POLR2J: variants seen among roughly 807,000 people sequenced by gnomAD.
The protein encoded by POLR2J is RNA polymerase II subunit J.
In POLR2J, 12 loss-of-function variants were observed where a neutral mutation model predicts 13.4. That is an observed-to-expected ratio of 0.90 (90% CI 0.57 to 1.45). POLR2J has a LOEUF of 1.45. Ranked by LOEUF, POLR2J falls within the 40% of genes most tolerant of loss-of-function variation. The probability of loss-of-function intolerance (pLI) is 0.00; values close to 1 mark genes in which losing one functional copy is unlikely to be tolerated. For synonymous variants in POLR2J, 31 were observed against 53.6 expected (o/e 0.58, Z 1.84); for missense variants, 58 against 132.0 (o/e 0.44, Z 2.75).
rs202131725 is a variant in POLR2J, at chr7:102,478,861, G to A, written c.-1C>T. ...ACTCGAAGGCTGGAGGGGCGTTCAT[G>A]CTCCCGCCGCCGTTGCGTCCAGACC... On this transcript the variant is annotated 5_prime_UTR_variant, in exon 1 of 4. Transcript: ENST00000292614. 1.9e-5 allele frequency: 31 copies of A among 1,610,574 alleles called. No individual in the cohort carries two copies. In the African/African-American group the frequency reaches 2.8e-4, roughly 15 times the overall value.
intron 3 of POLR2J, 46 bp from the exon 4 acceptor site, chr7:102,473,730 C>T: frequency 1.2e-6 from 2 of 1,612,364 alleles, no homozygotes; most frequent in Non-Finnish European, 1.7e-6. Flanking sequence ...ACAGCTGGGG[C>T]AAGGACGCTG....
chr7:102,474,575 G>A lies in POLR2J; in HGVS notation c.144-40C>T, dbSNP rs372056850. The A allele has an allele frequency of 3.0e-6, 4 of 1,322,714 alleles. 1 individual carries two copies. The African/African-American group carries it at 5.8e-5, about 19-fold the overall frequency. The allele number at this position is 1,322,714 out of a possible 1,614,324, so 81.9% of individuals were successfully genotyped here. On this transcript the variant is annotated intron_variant, in intron 2 of 3. Coordinates refer to ENST00000292614, the MANE Select transcript of POLR2J (RefSeq NM_006234.6). ...AGACAGTGTGAGGGTCTAGCCTCAT[G>A]CCCAAGCTGGGTAGCAGCCAGCTCA...
At chr7:102,473,807 A>C (rs1360946391) in intron 3 of POLR2J, 123 bp from the exon 4 acceptor site, 2 of 1,499,074 alleles carry the variant, frequency 1.3e-6, no homozygotes, top group Admixed American at 2.3e-5. Context: ...CACACTCCCC[A>C]GGACAGTGGA....
chr7:102,474,375 C>G lies in POLR2J; in HGVS notation c.304G>C (p.Glu102Gln). Residue 102 changes from glutamate to glutamine, a missense_variant, in exon 3 of 4, where the codon GAG becomes CAG. By Grantham distance (29) the Glu-to-Gln change is conservative. This residue lies in a region of POLR2J where 17 missense variants were observed against 43.6 expected (regional missense o/e 0.39). Transcript: ENST00000292614. ...TDLISELSLLEERFRVAIKDK... is the reference protein window; with the variant it reads ...TDLISELSLLQERFRVAIKDK... ...CCCGCCCTCACCCGAAAGCGCTCCT[C>G]CAGCAGGGACAGCTCACTGATGAGG... 1 of 1,611,920 alleles carries G rather than the reference C, an allele frequency of 6.2e-7. No individual in the cohort carries two copies. The highest frequency in any genetic ancestry group is 8.5e-7 in the Non-Finnish European group (1 of 1,179,664).
chr7:102,473,947 C>CT (rs1302985972), intron 3 of POLR2J: 25 of 1,434,174 alleles, frequency 1.7e-5, no homozygotes, highest in Non-Finnish European at 2.3e-5. Flanking sequence ...AGCTGTGGCT[C>CT]TTTCCCCTCT....
Position 102,473,537 on chromosome 7 carries a change from C to CACGTCGGTGTCAGGGTGAGGGGTGGCCAT in POLR2J, c.*111_*112insATGGCCACCCCTCACCCTGACACCGACGT. 9.2e-7 allele frequency: 1 copy of CACGTCGGTGTCAGGGTGAGGGGTGGCCAT among 1,086,216 alleles called. No homozygotes were observed. The highest frequency in any genetic ancestry group is 2.1e-5 in the South Asian group (1 of 48,376). The allele number at this position is 1,086,216 out of a possible 1,614,324, so 67.3% of individuals were successfully genotyped here. On this transcript the variant is annotated 3_prime_UTR_variant, in exon 4 of 4. Transcript: ENST00000292614. ...TCGGTGTCAGGGTGAGGGGTGGCCA[C>CACGTCGGTGTCAGGGTGAGGGGTGGCCAT]AAGGCGGGCCATGGCTGGGACCGGC...
rs1192784135 is a variant in POLR2J, at chr7:102,478,794, C to A, written c.53+14G>T. ...GCCCGCGCACCTCGGCCCGCCGCAG[C>A]CGGCGTCACTTACTTCTTCTCGCCC... On this transcript the variant is annotated intron_variant, in intron 1 of 3. Coordinates refer to ENST00000292614, the MANE Select transcript of POLR2J (RefSeq NM_006234.6). 1.2e-6 allele frequency: 2 copies of A among 1,610,560 alleles called. No homozygotes were observed. The highest frequency in any genetic ancestry group is 2.7e-5 in the African/African-American group (2 of 74,866).
At chr7:102,474,960 G>T (rs1186437518) in intron 2 of POLR2J, among the ~76,000 whole-genome samples, 1 of 149,204 alleles carries the variant, frequency 6.7e-6, no homozygotes, top group Non-Finnish European at 1.5e-5. Context: ...TCTGCCCTCC[G>T]AGCAGCACAG....
At chr7:102,474,043 C>T (rs566081651) in intron 3 of POLR2J, 163 of 1,446,974 alleles carry the variant, frequency 1.1e-4, no homozygotes, top group South Asian at 6.2e-4. Flanking sequence ...CTGGAAGGAC[C>T]AGGCCTTGCC....
rs1467213936 is a variant in POLR2J, at chr7:102,473,303, CACAGCCCCCGCA to C, written c.*334_*345del. On this transcript the variant is annotated 3_prime_UTR_variant, in exon 4 of 4. Transcript: ENST00000292614. ...GTTTGCACACTTCTCTCCGGCTCAGCACAGCCCCCGCAGCAGCCCCTGGACCCCGGATCTTTG... is the reference window on the plus strand; with the variant it reads ...GTTTGCACACTTCTCTCCGGCTCAGCGCAGCCCCTGGACCCCGGATCTTTG... 9 of 577,058 alleles carry C rather than the reference CACAGCCCCCGCA, an allele frequency of 1.6e-5. No individual in the cohort carries two copies. The highest frequency in any genetic ancestry group is 7.2e-5 in the South Asian group (3 of 41,634). The allele number at this position is 577,058 out of a possible 1,614,324, so 35.7% of individuals were successfully genotyped here.
chr7:102,475,516 G>A (rs1481767765), intron 2 of POLR2J, among the ~76,000 whole-genome samples: 1 of 152,178 alleles, frequency 6.6e-6, no homozygotes, highest in East Asian at 1.9e-4. Flanking sequence ...GTCACAAACG[G>A]GTGGCATGAG....
At chr7:102,473,980 G>T in intron 3 of POLR2J, 1 of 1,434,040 alleles carries the variant, frequency 7.0e-7, no homozygotes, top group Non-Finnish European at 9.1e-7. Context: ...ATTCCCATGC[G>T]CCCTGCCAGG....
At chr7:102,478,362 CCA>C (rs1470485635) in intron 1 of POLR2J, among the ~76,000 whole-genome samples, 1 of 114,368 alleles carries the variant, frequency 8.7e-6, no homozygotes, top group African/African-American at 3.4e-5. Context: ...AGCCACTCGC[CCA>C]CAGATACAGA....
intron 2 of POLR2J, among the ~76,000 whole-genome samples, chr7:102,474,923 C>T (rs908586406): frequency 2.7e-5 from 4 of 150,244 alleles, no homozygotes; most frequent in Non-Finnish European, 4.5e-5. Context: ...GGCCAGCTGC[C>T]GGCAGTGAGT....
intron 2 of POLR2J, among the ~76,000 whole-genome samples, chr7:102,475,153 C>G (rs1189070806): frequency 6.6e-6 from 1 of 152,244 alleles, no homozygotes; most frequent in South Asian, 2.1e-4. Context: ...CCCAGGAGAG[C>G]TTGGGTGCCC....
intron 3 of POLR2J, chr7:102,473,994 A>T (rs142762939): frequency 0.052 from 74,494 of 1,435,806 alleles, 2,172 homozygotes; most frequent in South Asian, 0.074. Flanking sequence ...TGCCAGGAAC[A>T]GGTGTGGGCC....
In POLR2J at chr7:102,473,155, A is replaced by T; in HGVS notation, c.*494T>A. ...TCAGTGAATATTTTTATTAAACTCT[A>T]CTGTGGACAAGAAGCCTGTGGAAAG... is the stretch of plus-strand genomic sequence containing the variant. On this transcript the variant is annotated 3_prime_UTR_variant, in exon 4 of 4. Coordinates refer to ENST00000292614, the MANE Select transcript of POLR2J (RefSeq NM_006234.6). 3 of 1,285,044 alleles carry T rather than the reference A, an allele frequency of 2.3e-6. No individual in the cohort carries two copies. Among genetic ancestry groups the T allele is most frequent in the Non-Finnish European group, 3.2e-6 (3 of 935,884 alleles). The allele number at this position is 1,285,044 out of a possible 1,614,324, so 79.6% of individuals were successfully genotyped here.
At chr7:102,473,795 G>A (rs1586748166) in intron 3 of POLR2J, 111 bp from the exon 4 acceptor site, 2 of 1,540,100 alleles carry the variant, frequency 1.3e-6, no homozygotes, top group East Asian at 2.4e-5. Flanking sequence ...GCAGCCATGG[G>A]CCACACTCCC....
At position 102,478,900 on chromosome 7, in the gene POLR2J, G is replaced by C. The variant is rs113547158; in HGVS notation, c.-40C>G. ...TGCGTCCAGACCCCAAGGGTCCGCCGCCGCCGCCACCAGAGCCCTAATAAG... is the reference window on the plus strand; with the variant it reads ...TGCGTCCAGACCCCAAGGGTCCGCCCCCGCCGCCACCAGAGCCCTAATAAG... On this transcript the variant is annotated 5_prime_UTR_variant, in exon 1 of 4. Coordinates refer to ENST00000292614, the MANE Select transcript of POLR2J (RefSeq NM_006234.6). 65 of 1,606,116 alleles carry C rather than the reference G, an allele frequency of 4.0e-5. No individual in the cohort carries two copies. The East Asian group carries it at 4.9e-4, about 12-fold the overall frequency.
Sources: gnomAD v4.1 joint callset for allele counts (sites outside exome capture counted in the v4.1 genomes callset) on GRCh38, gnomAD v4.1.1 for gene constraint, gnomAD v4.1.1 regional missense constraint, MANE v1.5 for transcripts, NCBI Gene and HGNC (gene_info 2026-07-23, HGNC 2026-07-21) for gene names.